UBE2W: variants seen among roughly 807,000 people sequenced by gnomAD.
The protein encoded by UBE2W is ubiquitin-conjugating enzyme E2 W.
UBE2W carries 18 observed loss-of-function variants against 27.2 expected under a neutral mutation model. The ratio of observed to expected loss-of-function variants is 0.66; its 90% CI spans 0.46 to 0.98. UBE2W has a LOEUF of 0.98. UBE2W is among the 50% of genes least tolerant of loss of function. The pLI, the probability that UBE2W is intolerant of heterozygous loss-of-function variation, is 0.00. For synonymous variants in UBE2W, 53 were observed against 57.2 expected (o/e 0.93, Z 0.33); for missense variants, 90 against 180.2 (o/e 0.50, Z 2.87).
At chr8:73,858,378 A>G (rs1017947841) in intron 1 of UBE2W, among the ~76,000 whole-genome samples, 2 of 150,640 alleles carry the variant, frequency 1.3e-5, no homozygotes, top group Admixed American at 6.6e-5. Context: ...AAAAAAAAAA[A>G]AGAACATAAA....
At position 73,790,041 on chromosome 8, in the gene UBE2W, T is replaced by C; in HGVS notation, c.*4061A>G. The C allele has an allele frequency of 1.0e-6, 1 of 985,336 alleles. No homozygotes were observed. Among genetic ancestry groups the C allele is most frequent in the Non-Finnish European group, 1.2e-6 (1 of 829,880 alleles). The allele number at this position is 985,336 out of a possible 1,614,324, so 61.0% of individuals were successfully genotyped here. On this transcript the variant is annotated 3_prime_UTR_variant, in exon 6 of 6. Transcript: ENST00000602593. ...GCTCATTTACCAAGTAGTCAATTATTCAACAAATTTAGCCATCTACTGACA... is the reference window on the plus strand; with the variant it reads ...GCTCATTTACCAAGTAGTCAATTATCCAACAAATTTAGCCATCTACTGACA...
chr8:73,790,907 G>C lies in UBE2W; in HGVS notation c.*3195C>G. ...CTGAAGAAATTATTATCCACCACAG[G>C]AATCTAATGATATATATATTTGCAT... On this transcript the variant is annotated 3_prime_UTR_variant, in exon 6 of 6. Transcript: ENST00000602593. The C allele has an allele frequency of 2.0e-6, 2 of 983,430 alleles. No individual in the cohort carries two copies. The highest frequency in any genetic ancestry group is 4.7e-5 in the South Asian group (1 of 21,244). The allele number at this position is 983,430 out of a possible 1,614,324, so 60.9% of individuals were successfully genotyped here. A position where few individuals can be genotyped will look rare whatever the true frequency, so the allele number is the denominator to read the frequency against.
chr8:73,788,365 A>G lies in UBE2W; in HGVS notation c.*5737T>C, dbSNP rs968390856. 12 of 985,304 alleles carry G rather than the reference A, an allele frequency of 1.2e-5. No homozygotes were observed. In the African/African-American group the frequency reaches 2.1e-4, roughly 17 times the overall value. 61.0% of individuals were successfully genotyped at this position (985,304 alleles called of 1,614,324 possible). A position where few individuals can be genotyped will look rare whatever the true frequency, so the allele number is the denominator to read the frequency against. ...GCATGAGCTTTCATTCCTATTAATA[A>G]AATGCACACTCTGTAGTTCTGAATA... On this transcript the variant is annotated 3_prime_UTR_variant, in exon 6 of 6. Transcript: ENST00000602593.
At position 73,791,742 on chromosome 8, in the gene UBE2W, G is replaced by A. The variant is rs1375061684; in HGVS notation, c.*2360C>T. On this transcript the variant is annotated 3_prime_UTR_variant, in exon 6 of 6. Transcript: ENST00000602593. The stretch of plus-strand genomic sequence containing the variant: ...CTGATTATGAATTTTAAATGTCTGT[G>A]CTCCTATATTTTAGGATATTTCATC... The A allele has an allele frequency of 1.0e-6, 1 of 982,562 alleles. No homozygotes were observed. The highest frequency in any genetic ancestry group is 1.8e-5 in the African/African-American group (1 of 56,630). 60.9% of individuals were successfully genotyped at this position (982,562 alleles called of 1,614,324 possible).
intron 5 of UBE2W, among the ~76,000 whole-genome samples, chr8:73,797,430 T>C (rs1050416561): frequency 3.3e-5 from 5 of 152,180 alleles, no homozygotes; most frequent in Non-Finnish European, 5.9e-5. Context: ...TCAAGAGATA[T>C]TTCAAAGTAG....
At chr8:73,856,357 A>ATTTTTTTTTTTTTTTTTTTTT (rs34593904) in intron 1 of UBE2W, among the ~76,000 whole-genome samples, 1 of 89,344 alleles carries the variant, frequency 1.1e-5, no homozygotes, top group Non-Finnish European at 2.0e-5. Flanking sequence ...ACACTTATGA[A>ATTTTTTTTTTTTTTTTTTTTT]TTTTTTTTTT....
intron 2 of UBE2W, among the ~76,000 whole-genome samples, chr8:73,828,887 GAAAGCTTCTTA>G (rs1220475840): frequency 3.3e-5 from 5 of 151,902 alleles, no homozygotes; most frequent in African/African-American, 1.2e-4. Context: ...GTACCCATCA[GAAAGCTTCTTA>G]ATGTGCTTTC....
In UBE2W at chr8:73,794,003, G is replaced by A; in HGVS notation, c.*99C>T. ...AGGAAGTAGTCTTCATTGCCTATAG[G>A]TCACTTCCAGTCAAAGGTTAAAGTT... On this transcript the variant is annotated 3_prime_UTR_variant, in exon 6 of 6. Coordinates refer to ENST00000602593, the MANE Select transcript of UBE2W (RefSeq NM_018299.6). 6.3e-7 allele frequency: 1 copy of A among 1,576,386 alleles called. No individual in the cohort carries two copies. The highest frequency in any genetic ancestry group is 8.6e-7 in the Non-Finnish European group (1 of 1,162,786).
chr8:73,787,245 TC>T lies in UBE2W; in HGVS notation c.*6856del, dbSNP rs1807993385. 1 of 985,346 alleles carries T rather than the reference TC, an allele frequency of 1.0e-6. No individual in the cohort carries two copies. Among genetic ancestry groups the T allele is most frequent in the Admixed American group, 6.1e-5 (1 of 16,270 alleles). 61.0% of individuals were successfully genotyped at this position (985,346 alleles called of 1,614,324 possible). ...GCTTTGTTGTCCAAGTACACAAAACTCTTAGCTGTCTCACTTGCTTCTTCAA... is the reference window on the plus strand; with the variant it reads ...GCTTTGTTGTCCAAGTACACAAAACTTTAGCTGTCTCACTTGCTTCTTCAA... On this transcript the variant is annotated 3_prime_UTR_variant, in exon 6 of 6. Transcript: ENST00000602593.
At chr8:73,862,476 G>A (rs566174550) in intron 1 of UBE2W, among the ~76,000 whole-genome samples, 3 of 151,860 alleles carry the variant, frequency 2.0e-5, no homozygotes, top group Non-Finnish European at 2.9e-5. Context: ...TAAAAACCCT[G>A]GAAGAAAACC....
At chr8:73,861,248 G>C (rs1250675626) in intron 1 of UBE2W, among the ~76,000 whole-genome samples, 1 of 152,176 alleles carries the variant, frequency 6.6e-6, no homozygotes, top group Non-Finnish European at 1.5e-5. Context: ...AAGGACAAGA[G>C]AGATATAAGC....
chr8:73,810,590 C>T lies in UBE2W; in HGVS notation c.250G>A (p.Val84Ile). ...TGENIPVHPH[V>I]YSNGHICLSI... ...AAACAGATATGACCATTGCTATAAA[C>T]ATGAGGATGAACAGGAATATTTTCA... The change falls in exon 4 of 6, where the codon GTT (valine) becomes ATT (isoleucine). Residue 84 changes from valine (V) to isoleucine (I), a missense_variant. Val to Ile is a conservative substitution (Grantham distance 29). Coordinates refer to ENST00000602593, the MANE Select transcript of UBE2W (RefSeq NM_018299.6). 6.2e-7 allele frequency: 1 copy of T among 1,608,876 alleles called. No homozygotes were observed. The highest frequency in any genetic ancestry group is 8.5e-7 in the Non-Finnish European group (1 of 1,177,882).
intron 1 of UBE2W, among the ~76,000 whole-genome samples, chr8:73,878,352 G>A (rs1812326648): frequency 6.6e-6 from 1 of 152,220 alleles, no homozygotes; most frequent in African/African-American, 2.4e-5. Context: ...CGCCTTCTCC[G>A]GAGACGCATT....
intron 1 of UBE2W, among the ~76,000 whole-genome samples, chr8:73,874,170 G>A (rs1022911373): frequency 1.2e-4 from 18 of 152,156 alleles, no homozygotes; most frequent in South Asian, 8.3e-4. Context: ...GGTGGCTGAC[G>A]CCTGTAATCC....
chr8:73,789,434 A>G lies in UBE2W; in HGVS notation c.*4668T>C, dbSNP rs1234601877. On this transcript the variant is annotated 3_prime_UTR_variant, in exon 6 of 6. Coordinates refer to ENST00000602593, the MANE Select transcript of UBE2W (RefSeq NM_018299.6). The stretch of plus-strand genomic sequence containing the variant: ...TTGAGCCAAGGTGGTCAAGGCTGCA[A>G]TGACTGTTCCACTGCACACTCCAGC... 3.9e-5 allele frequency: 6 copies of G among 153,256 alleles called. No homozygotes were observed. The highest frequency in any genetic ancestry group is 1.5e-4 in the African/African-American group (6 of 41,274). 9.5% of individuals were successfully genotyped at this position (153,256 alleles called of 1,614,324 possible).
chr8:73,866,288 A>ATAT (rs1336267213), intron 1 of UBE2W, among the ~76,000 whole-genome samples: 403 of 79,754 alleles, frequency 5.1e-3, no homozygotes, highest in Non-Finnish European at 7.8e-3. Context: ...AAAAAAAAAA[A>ATAT]AAATATATAT....
chr8:73,873,191 G>A (rs566985197), intron 1 of UBE2W, among the ~76,000 whole-genome samples: 1 of 152,196 alleles, frequency 6.6e-6, no homozygotes, highest in African/African-American at 2.4e-5. Flanking sequence ...TTACAGGCTT[G>A]AGCCACCATG....
At chr8:73,850,798 A>G (rs1811044636) in intron 1 of UBE2W, among the ~76,000 whole-genome samples, 2 of 150,836 alleles carry the variant, frequency 1.3e-5, no homozygotes, top group South Asian at 4.2e-4. Flanking sequence ...TTATTCCTTA[A>G]GCAATGTGAA....
At chr8:73,817,096 C>T (rs972498271) in intron 3 of UBE2W, among the ~76,000 whole-genome samples, 9 of 150,618 alleles carry the variant, frequency 6.0e-5, no homozygotes, top group Admixed American at 4.6e-4. Context: ...GAGGCTGAGG[C>T]GGGCAGATCA....
Sources: allele counts gnomAD v4.1 joint callset (sites outside exome capture counted in the v4.1 genomes callset), GRCh38; gene constraint gnomAD v4.1.1; transcripts MANE v1.5; gene names NCBI Gene and HGNC (gene_info 2026-07-23, HGNC 2026-07-21).